Variants in DACH2 observed in about 807,000 individuals in gnomAD.
DACH2 encodes dachshund homolog 2.
Under a neutral mutation model 35.8 loss-of-function variants are expected in DACH2, and 17 were observed. That is an observed-to-expected ratio of 0.48 (90% CI 0.33 to 0.71). The LOEUF (loss-of-function observed/expected upper bound fraction) is 0.71. Among genes scored for constraint, DACH2 ranks in the 30% least tolerant of loss-of-function variants. DACH2 has a pLI of 0.02. For missense variants in DACH2, 469 were observed against 472.7 expected (o/e 0.99, Z 0.07); for synonymous variants, 195 against 177.3 (o/e 1.10, Z -0.79).
intron 1 of DACH2, among the ~76,000 whole-genome samples, chrX:86,203,400 T>G (rs902670775): frequency 6.3e-5 from 7 of 111,775 alleles, no homozygotes; most frequent in Admixed American, 2.9e-4. Flanking sequence ...GTGAAATCAC[T>G]TGTCTAAGTA....
chrX:86,150,566 C>T (rs2030329768), intron 1 of DACH2, among the ~76,000 whole-genome samples: 1 of 111,363 alleles, frequency 9.0e-6, no homozygotes, highest in South Asian at 3.8e-4. Flanking sequence ...AGCAATTAAA[C>T]AGAAAACTAT....
chrX:86,344,865 T>A (rs2035472238), intron 1 of DACH2, among the ~76,000 whole-genome samples: 2 of 111,680 alleles, frequency 1.8e-5, no homozygotes, highest in African/African-American at 6.5e-5. Context: ...TACAGGATTA[T>A]CTTTCTAAGC....
At chrX:86,384,863 T>TA (rs1156562984) in intron 2 of DACH2, among the ~76,000 whole-genome samples, 1 of 111,683 alleles carries the variant, frequency 9.0e-6, no homozygotes, top group Non-Finnish European at 1.9e-5. Context: ...CAAAAGCTGT[T>TA]AAAACATATA....
chrX:86,531,614 A>G (rs946136751), intron 3 of DACH2, among the ~76,000 whole-genome samples: 6 of 112,668 alleles, frequency 5.3e-5, no homozygotes, highest in Non-Finnish European at 9.4e-5. Context: ...CCTAGATTTC[A>G]GAGGATGTAT....
intron 3 of DACH2, among the ~76,000 whole-genome samples, chrX:86,584,992 T>C (rs1031015247): frequency 1.8e-5 from 2 of 111,569 alleles, no homozygotes; most frequent in Non-Finnish European, 3.8e-5. Context: ...TATTCTTTTT[T>C]ATGGCTGTGC....
intron 4 of DACH2, among the ~76,000 whole-genome samples, chrX:86,654,967 A>G (rs1473264264): frequency 1.8e-5 from 2 of 111,725 alleles, no homozygotes; most frequent in Non-Finnish European, 3.8e-5. Context: ...AGATCTGAAA[A>G]TTTTTGGTAA....
intron 7 of DACH2, among the ~76,000 whole-genome samples, chrX:86,805,121 T>C (rs1276966852): frequency 8.9e-6 from 1 of 112,647 alleles, no homozygotes; most frequent in East Asian, 2.8e-4. Flanking sequence ...CCATGAGGGC[T>C]CCACCCCTGC....
intron 1 of DACH2, among the ~76,000 whole-genome samples, chrX:86,301,760 G>T (rs1017981098): frequency 1.8e-5 from 2 of 111,921 alleles, no homozygotes; most frequent in Admixed American, 1.9e-4. Flanking sequence ...TTTGATACAT[G>T]GTTGGAATTT....
chrX:86,293,734 G>A (rs1432660375), intron 1 of DACH2, among the ~76,000 whole-genome samples: 71 of 111,315 alleles, frequency 6.4e-4, no homozygotes, highest in Non-Finnish European at 9.0e-4. Context: ...TTTTCTTTAA[G>A]AATGTTGAAT....
At chrX:86,804,103 C>A (rs2042320408) in intron 7 of DACH2, among the ~76,000 whole-genome samples, 1 of 111,819 alleles carries the variant, frequency 8.9e-6, no homozygotes, top group Admixed American at 9.5e-5. Flanking sequence ...TTGGTCCATT[C>A]TTGCATTGCT....
At chrX:86,816,697 C>T (rs1446904411) in intron 11 of DACH2, among the ~76,000 whole-genome samples, 2 of 111,487 alleles carry the variant, frequency 1.8e-5, no homozygotes, top group Non-Finnish European at 3.8e-5. Context: ...AGTAAGAAAA[C>T]AGATGAAACA....
chrX:86,159,703 A>G (rs2030677698), intron 1 of DACH2, among the ~76,000 whole-genome samples: 1 of 111,640 alleles, frequency 9.0e-6, no homozygotes, highest in Admixed American at 9.6e-5. Flanking sequence ...CCACATTCTT[A>G]TTGTCTCATC....
chrX:86,342,391 C>T (rs1247841213), intron 1 of DACH2, among the ~76,000 whole-genome samples: 1 of 111,050 alleles, frequency 9.0e-6, no homozygotes, highest in Non-Finnish European at 1.9e-5. Context: ...GTCCCAGATA[C>T]CCAGGAAGCT....
intron 3 of DACH2, among the ~76,000 whole-genome samples, chrX:86,579,357 T>A (rs1439244718): frequency 9.0e-6 from 1 of 111,399 alleles, no homozygotes; most frequent in Non-Finnish European, 1.9e-5. Context: ...CCTTCCAAAG[T>A]GCTAGGATTA....
intron 1 of DACH2, among the ~76,000 whole-genome samples, chrX:86,299,399 G>A (rs895470200): frequency 8.9e-6 from 1 of 111,774 alleles, no homozygotes; most frequent in Admixed American, 9.5e-5. Context: ...AGTGACATGT[G>A]TATAATGGAT....
intron 3 of DACH2, among the ~76,000 whole-genome samples, chrX:86,637,362 AT>A (rs1031442418): frequency 5.5e-5 from 6 of 109,523 alleles, no homozygotes; most frequent in African/African-American, 2.0e-4. Context: ...CCCAAAAAAA[AT>A]ATACTATTCA....
intron 3 of DACH2, among the ~76,000 whole-genome samples, chrX:86,647,901 G>A (rs931879608): frequency 9.0e-6 from 1 of 110,615 alleles, no homozygotes; most frequent in Non-Finnish European, 1.9e-5. Context: ...TAATAAATAT[G>A]TTTAAATTAT....
At chrX:86,369,885 A>T (rs1414051299) in intron 1 of DACH2, among the ~76,000 whole-genome samples, 1 of 111,563 alleles carries the variant, frequency 9.0e-6, no homozygotes, top group Non-Finnish European at 1.9e-5. Context: ...ATGTATCATA[A>T]TTAATTATGT....
chrX:86,445,566 C>A (rs867357512), intron 2 of DACH2, among the ~76,000 whole-genome samples: 224 of 47,775 alleles, frequency 4.7e-3, no homozygotes, highest in Admixed American at 5.8e-3. Flanking sequence ...TCAGAGTGAA[C>A]AAAAAAAAAA....
Sources: allele counts gnomAD v4.1 joint callset (sites outside exome capture counted in the v4.1 genomes callset), GRCh38; gene constraint gnomAD v4.1.1; transcripts MANE v1.5; gene names NCBI Gene and HGNC (gene_info 2026-07-23, HGNC 2026-07-21).